The following ODAD2 variants were observed in gnomAD, a reference collection of about 807,000 sequenced individuals.
ODAD2 encodes outer dynein arm docking complex subunit 2.
ODAD2 carries 89 observed loss-of-function variants against 106.8 expected under a neutral mutation model. The ratio of observed to expected loss-of-function variants is 0.83; its 90% CI spans 0.70 to 0.99. ODAD2 has a LOEUF of 0.99. Ranked by LOEUF, ODAD2 falls within the 50% of genes least tolerant of loss-of-function variation. ODAD2 has a pLI of 0.00. For missense variants in ODAD2, 1,168 were observed against 1,238.5 expected (o/e 0.94, Z 0.85); for synonymous variants, 404 against 436.2 (o/e 0.93, Z 0.92).
intron 16 of ODAD2, among the ~76,000 whole-genome samples, chr10:27,914,755 GA>G (rs1590004380): frequency 6.6e-6 from 1 of 151,796 alleles, no homozygotes; most frequent in East Asian, 1.9e-4. Context: ...ATATAAAATG[GA>G]AATGCTATAT....
At chr10:27,939,514 G>C (rs549095701) in intron 14 of ODAD2, among the ~76,000 whole-genome samples, 67 of 152,198 alleles carry the variant, frequency 4.4e-4, no homozygotes, top group African/African-American at 1.5e-3. Flanking sequence ...CCAGGGGTTT[G>C]AGACCAGCCT....
chr10:27,994,884 A>T, intron 2 of ODAD2, 35 bp downstream of exon 2: 2 of 1,609,400 alleles, frequency 1.2e-6, no homozygotes, highest in Non-Finnish European at 1.7e-6. Context: ...TGTACAACGA[A>T]GATATCAAAT....
chr10:27,951,359 C>A (rs184426543), intron 10 of ODAD2, among the ~76,000 whole-genome samples: 313 of 152,120 alleles, frequency 2.1e-3, no homozygotes, highest in Admixed American at 3.8e-3. Context: ...TCAAAATATA[C>A]CAATGCTGTA....
chr10:27,856,752 A>T (rs1156358867), intron 19 of ODAD2, among the ~76,000 whole-genome samples: 3 of 152,110 alleles, frequency 2.0e-5, no homozygotes, highest in Non-Finnish European at 4.4e-5. Context: ...GGATCACCTG[A>T]GGTCAGGAGT....
chr10:27,835,852 G>A (rs575807572), intron 19 of ODAD2: 1 of 152,034 alleles, frequency 6.6e-6, no homozygotes, highest in African/African-American at 2.4e-5. Flanking sequence ...CTTGAACCCG[G>A]GAGGCAGGGG....
At chr10:27,857,730 C>T (rs1214974703) in intron 19 of ODAD2, among the ~76,000 whole-genome samples, 2 of 152,150 alleles carry the variant, frequency 1.3e-5, no homozygotes, top group East Asian at 1.9e-4. Flanking sequence ...ACAGATACAC[C>T]GCATTACATC....
At chr10:27,923,902 T>A (rs1844966925) in intron 16 of ODAD2, among the ~76,000 whole-genome samples, 1 of 139,408 alleles carries the variant, frequency 7.2e-6, no homozygotes, top group South Asian at 2.2e-4. Flanking sequence ...TAAGCTATGA[T>A]TACACCACTG....
rs141504921 is a variant in ODAD2 at position 27,936,808 on chromosome 10, T to C, written c.2170A>G (p.Asn724Asp). The change falls in exon 15 of 20, where the codon AAT becomes GAT. Residue 724 changes from asparagine (N) to aspartate (D), a missense_variant. Physicochemically the swap from Asn to Asp is conservative, Grantham distance 23. Coordinates refer to ENST00000305242, the MANE Select transcript of ODAD2 (RefSeq NM_018076.5). ...AACCGCTCTTTATTGTCAGTGTTAT[T>C]GAGTAGACTGGCCAAGGGCTTAAGT... ...GGLKPLASLL[N>D]NTDNKERLAA... is the part of the protein sequence containing the mutation. The C allele has an allele frequency of 3.1e-6, 5 of 1,613,894 alleles. No homozygotes were observed. The African/African-American group carries it at 6.7e-5, about 22-fold the overall frequency.
intron 17 of ODAD2, among the ~76,000 whole-genome samples, chr10:27,877,690 C>T (rs1208295561): frequency 6.6e-6 from 1 of 152,096 alleles, no homozygotes; most frequent in African/African-American, 2.4e-5. Context: ...CCACATTTTC[C>T]ACCTTCTCAC....
At chr10:27,934,881 A>T in intron 16 of ODAD2, 129 bp downstream of exon 16, 1 of 1,206,554 alleles carries the variant, frequency 8.3e-7, no homozygotes, top group Non-Finnish European at 1.2e-6. Context: ...ACTTGTGATT[A>T]TTTATATGAC....
intron 16 of ODAD2, among the ~76,000 whole-genome samples, chr10:27,917,246 T>C (rs1312713741): frequency 1.3e-5 from 2 of 152,076 alleles, no homozygotes; most frequent in Non-Finnish European, 2.9e-5. Flanking sequence ...AAATAACCAG[T>C]TTTAGAAATT....
At chr10:27,825,229 C>T (rs1836944789) in intron 19 of ODAD2, among the ~76,000 whole-genome samples, 2 of 152,216 alleles carry the variant, frequency 1.3e-5, no homozygotes, top group South Asian at 2.1e-4. Context: ...ATTACCATCA[C>T]TGGTCTGAGC....
At chr10:27,938,054 G>A (rs1361740913) in intron 14 of ODAD2, among the ~76,000 whole-genome samples, 3 of 151,806 alleles carry the variant, frequency 2.0e-5, no homozygotes, top group Admixed American at 6.6e-5. Context: ...AGCAATTCTC[G>A]TGCCTCCACC....
Position 27,981,461 on chromosome 10 carries a change from C to G in ODAD2, c.936+5G>C. Reference sequence around the variant, plus strand: ...TGAAAGCTCAAAAGAAACCATAAAACTTACCAATTTAGACATATTTTCTGA... The same window carrying G: ...TGAAAGCTCAAAAGAAACCATAAAAGTTACCAATTTAGACATATTTTCTGA... On this transcript the variant is annotated splice_donor_5th_base_variant and intron_variant, in intron 7 of 19. Coordinates refer to ENST00000305242, the MANE Select transcript of ODAD2 (RefSeq NM_018076.5). The G allele has an allele frequency of 6.7e-7, 1 of 1,495,434 alleles. No homozygotes were observed. Among genetic ancestry groups the G allele is most frequent in the Non-Finnish European group, 8.8e-7 (1 of 1,131,200 alleles). The allele number at this position is 1,495,434 out of a possible 1,614,324, so 92.6% of individuals were successfully genotyped here. A position where few individuals can be genotyped will look rare whatever the true frequency, so the allele number is the denominator to read the frequency against.
At chr10:27,868,730 G>T (rs541274345) in intron 17 of ODAD2, among the ~76,000 whole-genome samples, 1 of 152,150 alleles carries the variant, frequency 6.6e-6, no homozygotes, top group South Asian at 2.1e-4. Flanking sequence ...GGCATGCAGG[G>T]CTTAATACCT....
At chr10:27,917,800 C>A (rs1383937599) in intron 16 of ODAD2, among the ~76,000 whole-genome samples, 1 of 150,312 alleles carries the variant, frequency 6.7e-6, no homozygotes, top group Non-Finnish European at 1.5e-5. Context: ...ATGGTCCTCC[C>A]AAAAAAGAGA....
At chr10:27,839,582 T>G (rs1338023774) in intron 19 of ODAD2, among the ~76,000 whole-genome samples, 1 of 152,238 alleles carries the variant, frequency 6.6e-6, no homozygotes, top group East Asian at 1.9e-4. Flanking sequence ...ATTTGCCATC[T>G]AGTGCACTTT....
intron 19 of ODAD2, among the ~76,000 whole-genome samples, chr10:27,851,680 G>A (rs764487195): frequency 6.6e-6 from 1 of 152,062 alleles, no homozygotes; most frequent in Non-Finnish European, 1.5e-5. Flanking sequence ...GTGGGAAAAC[G>A]TTTACCTATA....
intron 17 of ODAD2, among the ~76,000 whole-genome samples, chr10:27,870,813 A>G (rs1307823714): frequency 2.0e-5 from 3 of 152,188 alleles, no homozygotes; most frequent in Admixed American, 2.0e-4. Flanking sequence ...CACAATAAAC[A>G]TACGTGTGCA....
Sources: gnomAD v4.1 joint callset for allele counts (sites outside exome capture counted in the v4.1 genomes callset) on GRCh38, gnomAD v4.1.1 for gene constraint, MANE v1.5 for transcripts, NCBI Gene and HGNC (gene_info 2026-07-23, HGNC 2026-07-21) for gene names.